The following TLN2 variants were observed in gnomAD, a reference collection of about 807,000 sequenced individuals.
TLN2 encodes talin-2.
In TLN2, 118 loss-of-function variants were observed where a neutral mutation model predicts 294.7. The ratio of observed to expected loss-of-function variants is 0.40; its 90% CI spans 0.34 to 0.47. TLN2 has a LOEUF of 0.47. Ranked by LOEUF, TLN2 falls within the 20% of genes least tolerant of loss-of-function variation. The pLI is 0.84. For synonymous variants in TLN2, 1,431 were observed against 1,304.5 expected (o/e 1.10, Z -2.09); for missense variants, 3,083 against 3,282.2 (o/e 0.94, Z 1.48).
chr15:62,713,506 C>T (rs1386501007), intron 22 of TLN2, among the ~76,000 whole-genome samples: 1 of 151,848 alleles, frequency 6.6e-6, no homozygotes, highest in East Asian at 1.9e-4. Flanking sequence ...TGGCAAAACC[C>T]TGTCTCTACT....
intron 50 of TLN2, among the ~76,000 whole-genome samples, chr15:62,802,433 CACACAT>C (rs1354109449): frequency 6.6e-6 from 1 of 151,698 alleles, no homozygotes; most frequent in Admixed American, 6.6e-5. Flanking sequence ...CACACACACA[CACACAT>C]ATATATAATA....
intron 37 of TLN2, among the ~76,000 whole-genome samples, chr15:62,760,739 G>A (rs755290921): frequency 3.0e-4 from 45 of 152,128 alleles, no homozygotes; most frequent in Non-Finnish European, 6.0e-4. Context: ...CATCCAGACC[G>A]TAAATCAGCA....
intron 1 of TLN2, among the ~76,000 whole-genome samples, chr15:62,474,221 G>T (rs952120537): frequency 6.6e-6 from 1 of 152,212 alleles, no homozygotes; most frequent in African/African-American, 2.4e-5. Flanking sequence ...AGAAATTTCA[G>T]AGGGCTCATG....
At chr15:62,710,720 CTTTTTTTTTTTTT>C (rs71287048) in intron 21 of TLN2, among the ~76,000 whole-genome samples, 3 of 77,048 alleles carry the variant, frequency 3.9e-5, no homozygotes, top group Non-Finnish European at 7.3e-5. Flanking sequence ...TGCTGATGTC[CTTTTTTTTTTTTT>C]TTTTTTTTTT....
intron 1 of TLN2, among the ~76,000 whole-genome samples, chr15:62,580,042 A>G (rs774865781): frequency 6.6e-6 from 1 of 152,058 alleles, no homozygotes; most frequent in Non-Finnish European, 1.5e-5. Flanking sequence ...CCAAGCCAAC[A>G]TGTGTCACTC....
chr15:62,833,357 T>G (rs1419065143), intron 54 of TLN2, 147 bp from the exon 55 acceptor site: 4 of 1,262,378 alleles, frequency 3.2e-6, no homozygotes, highest in Non-Finnish European at 2.2e-6. Context: ...CTGCTTCTTG[T>G]TAAGGAACCA....
intron 45 of TLN2, 111 bp downstream of exon 45, chr15:62,784,001 G>A (rs748739377): frequency 1.3e-6 from 2 of 1,552,998 alleles, no homozygotes; most frequent in African/African-American, 1.4e-5. Flanking sequence ...CCAGTAACCA[G>A]AGCCCAGTTT....
intron 42 of TLN2, among the ~76,000 whole-genome samples, chr15:62,772,002 A>G (rs1342076740): frequency 6.6e-6 from 1 of 152,194 alleles, no homozygotes; most frequent in Non-Finnish European, 1.5e-5. Context: ...TGTATTGCCC[A>G]GGCTGGTTAT....
At chr15:62,572,465 C>T (rs538108857) in intron 1 of TLN2, among the ~76,000 whole-genome samples, 5 of 152,210 alleles carry the variant, frequency 3.3e-5, no homozygotes, top group East Asian at 3.9e-4. Context: ...AGGCTGGTCT[C>T]GAACTCCAGG....
chr15:62,676,956 T>A (rs753689336), intron 11 of TLN2, among the ~76,000 whole-genome samples: 5 of 152,174 alleles, frequency 3.3e-5, no homozygotes, highest in Non-Finnish European at 5.9e-5. Flanking sequence ...CTAGATCCAT[T>A]GATTCAGTGG....
intron 1 of TLN2, among the ~76,000 whole-genome samples, chr15:62,413,494 G>C (rs897119135): frequency 2.0e-5 from 3 of 152,158 alleles, no homozygotes; most frequent in African/African-American, 7.2e-5. Context: ...CCTATTGTTG[G>C]GGATGCTATA....
chr15:62,569,562 A>G (rs528134033), intron 1 of TLN2, among the ~76,000 whole-genome samples: 4 of 152,346 alleles, frequency 2.6e-5, no homozygotes, highest in East Asian at 1.9e-4. Context: ...TTCTGGAAGC[A>G]TGGCACTTTC....
At chr15:62,822,359 G>A (rs1177256766) in intron 54 of TLN2, among the ~76,000 whole-genome samples, 2 of 152,188 alleles carry the variant, frequency 1.3e-5, no homozygotes, top group African/African-American at 4.8e-5. Context: ...TACTCCCTAG[G>A]AAATGCCTGA....
chr15:62,664,875 A>AAAAAAAAAAAAAAAAAAAAAAAAAG lies in TLN2; in HGVS notation c.788+6980_788+6981insAAAAAAAAAAAAAAAAAAAAAGAAA, dbSNP rs1555462003. Among the ~76,000 whole-genome samples the AAAAAAAAAAAAAAAAAAAAAAAAAG allele has an allele frequency of 7.5e-5, 11 of 146,480 alleles. 1 individual carries two copies. The highest frequency in any genetic ancestry group is 2.9e-4 in the African/African-American group (11 of 37,448). On this transcript the variant is annotated intron_variant, in intron 9 of 58. Transcript: ENST00000636159. ...ACTGTCTCAAAAAAAAAAAAAAAAA[A>AAAAAAAAAAAAAAAAAAAAAAAAAG]AAAGTGGCTACCTAATAAAGAAAGG... is the stretch of plus-strand genomic sequence containing the variant.
intron 7 of TLN2, among the ~76,000 whole-genome samples, chr15:62,654,877 A>G (rs1288216638): frequency 6.6e-6 from 1 of 151,134 alleles, no homozygotes; most frequent in African/African-American, 2.4e-5. Context: ...CCTAAAGCCC[A>G]TGCTGTTTGC....
Position 62,766,357 on chromosome 15 carries a change from A to G in TLN2, c.5131A>G (p.Ile1711Val), listed in dbSNP as rs1435217676. ...GCAGCTGACTTCGGTGGTCCAGGAA[A>G]TCGGACACCTTATCGATCCCATCGC... ...QEQLTSVVQE[I>V]GHLIDPIATA... The change falls in exon 41 of 59, where the codon ATC (isoleucine) becomes GTC (valine). Residue 1711 changes from isoleucine (I) to valine (V), a missense_variant. Ile to Val is a conservative substitution (Grantham distance 29). Coordinates refer to ENST00000636159, the MANE Select transcript of TLN2 (RefSeq NM_015059.3). 5 of 1,613,370 alleles carry G rather than the reference A, an allele frequency of 3.1e-6. No individual in the cohort carries two copies. The highest frequency in any genetic ancestry group is 1.7e-5 in the Admixed American group (1 of 60,014).
chr15:62,649,657 A>G (rs962370171), intron 4 of TLN2, among the ~76,000 whole-genome samples: 24 of 152,200 alleles, frequency 1.6e-4, no homozygotes, highest in African/African-American at 5.5e-4. Context: ...TAAAGGCTTC[A>G]TTTGTCCCCC....
intron 14 of TLN2, among the ~76,000 whole-genome samples, chr15:62,697,008 G>C (rs995772789): frequency 1.5e-4 from 23 of 152,144 alleles, no homozygotes. Context: ...CTTGTTTAAT[G>C]AATGTTCTTT....
intron 1 of TLN2, among the ~76,000 whole-genome samples, chr15:62,550,358 T>G (rs2042228872): frequency 6.6e-6 from 1 of 152,070 alleles, no homozygotes; most frequent in Non-Finnish European, 1.5e-5. Flanking sequence ...AGCCGAAAAT[T>G]CAGGTTCCAA....
Sources: gnomAD v4.1 joint callset for allele counts (sites outside exome capture counted in the v4.1 genomes callset) on GRCh38, gnomAD v4.1.1 for gene constraint, MANE v1.5 for transcripts, NCBI Gene and HGNC (gene_info 2026-07-23, HGNC 2026-07-21) for gene names.